Variants in FRRS1 observed in about 807,000 individuals in gnomAD.
FRRS1 encodes the protein ferric reductase 1.
FRRS1 carries 51 observed loss-of-function variants against 70.7 expected under a neutral mutation model. That is an observed-to-expected ratio of 0.72 (90% CI 0.58 to 0.91). The LOEUF is 0.91. Among genes scored for constraint, FRRS1 ranks in the 40% least tolerant of loss-of-function variants. The probability of loss-of-function intolerance (pLI) is 0.00; values close to 1 mark genes in which losing one functional copy is unlikely to be tolerated. For missense variants in FRRS1, 672 were observed against 726.0 expected, an observed-to-expected ratio of 0.93 and a Z score of 0.86; for synonymous variants, 225 against 238.7, an observed-to-expected ratio of 0.94 and a Z score of 0.53.
intron 6 of FRRS1, 43 bp from the exon 7 acceptor site, chr1:99,738,311 A>T: frequency 6.8e-7 from 1 of 1,475,146 alleles, no homozygotes; most frequent in Middle Eastern, 2.0e-4. Context: ...ATTATCAAAC[A>T]AGCAGTTCAT....
Position 99,705,808 on chromosome 1 carries a change from T to C in FRRS1, c.*3220A>G, listed in dbSNP as rs929238200. ...CAACCACAATTTTCTAGAATTTCTT[T>C]CATTTCTTTCTGAAAAGCACACACA... On this transcript the variant is annotated 3_prime_UTR_variant, in exon 17 of 17. Transcript: ENST00000646001. 3.3e-5 allele frequency among the ~76,000 whole-genome samples: 5 copies of C among 152,268 alleles called. No individual in the cohort carries two copies. Among genetic ancestry groups the C allele is most frequent in the Non-Finnish European group, 7.3e-5 (5 of 68,050 alleles).
intron 1 of FRRS1, among the ~76,000 whole-genome samples, chr1:99,761,479 T>C (rs1657110423): frequency 6.6e-6 from 1 of 152,178 alleles, no homozygotes; most frequent in Admixed American, 6.5e-5. Flanking sequence ...GAAACAAATA[T>C]CTTATTACAT....
chr1:99,730,078 T>C (rs1258739609), intron 7 of FRRS1, among the ~76,000 whole-genome samples: 3 of 152,314 alleles, frequency 2.0e-5, no homozygotes, highest in Non-Finnish European at 2.9e-5. Context: ...CTATTTGTAT[T>C]ATACCTATTT....
chr1:99,756,819 C>T (rs367582995), intron 1 of FRRS1, among the ~76,000 whole-genome samples: 38 of 152,094 alleles, frequency 2.5e-4, no homozygotes, highest in African/African-American at 8.0e-4. Context: ...AGTTCTAGCT[C>T]TTGTTAGTCA....
chr1:99,755,897 C>A (rs1336375192), intron 1 of FRRS1, among the ~76,000 whole-genome samples: 1 of 152,216 alleles, frequency 6.6e-6, no homozygotes, highest in Non-Finnish European at 1.5e-5. Context: ...TGTACAATGG[C>A]AACTTCTTTG....
At chr1:99,745,423 C>T (rs999222545) in intron 4 of FRRS1, among the ~76,000 whole-genome samples, 1 of 152,114 alleles carries the variant, frequency 6.6e-6, no homozygotes. Context: ...GTGGGTCATG[C>T]ATGTAATCCC....
intron 15 of FRRS1, among the ~76,000 whole-genome samples, chr1:99,709,525 C>T (rs1376420034): frequency 6.6e-6 from 1 of 152,102 alleles, no homozygotes; most frequent in African/African-American, 2.4e-5. Context: ...GATCTAAGCT[C>T]TTTGGTTTTA....
At chr1:99,710,042 C>T (rs1654200281) in intron 15 of FRRS1, among the ~76,000 whole-genome samples, 1 of 152,202 alleles carries the variant, frequency 6.6e-6, no homozygotes, top group South Asian at 2.1e-4. Flanking sequence ...CATATATAAG[C>T]CTATCAAGGA....
At chr1:99,729,090 G>A (rs76548391) in intron 8 of FRRS1, among the ~76,000 whole-genome samples, 96 of 152,364 alleles carry the variant, frequency 6.3e-4, no homozygotes, top group African/African-American at 2.2e-3. Flanking sequence ...TTAAGTAATA[G>A]CTACTGCTCC....
intron 9 of FRRS1, among the ~76,000 whole-genome samples, chr1:99,724,791 TAA>T (rs903771375): frequency 2.1e-5 from 3 of 143,524 alleles, no homozygotes; most frequent in Non-Finnish European, 3.1e-5. Flanking sequence ...CTGTACCAGT[TAA>T]AAAAAAAAAA....
chr1:99,751,348 A>G (rs1656558405), intron 1 of FRRS1, among the ~76,000 whole-genome samples: 1 of 152,178 alleles, frequency 6.6e-6, no homozygotes, highest in Non-Finnish European at 1.5e-5. Context: ...ACAGATTTTG[A>G]GACTTGTGGG....
At position 99,708,849 on chromosome 1, in the gene FRRS1, T is replaced by G; in HGVS notation, c.*179A>C. The G allele has an allele frequency of 7.7e-7, 1 of 1,296,832 alleles. No homozygotes were observed. The highest frequency in any genetic ancestry group is 1.1e-6 in the Non-Finnish European group (1 of 894,008). The allele number at this position is 1,296,832 out of a possible 1,614,324, so 80.3% of individuals were successfully genotyped here. A position where few individuals can be genotyped will look rare whatever the true frequency, so the allele number is the denominator to read the frequency against. On this transcript the variant is annotated 3_prime_UTR_variant, in exon 17 of 17. Coordinates refer to ENST00000646001, the MANE Select transcript of FRRS1 (RefSeq NM_001361041.2). ...GGGCATGACATTAATTTATAGTCTA[T>G]ATGACCCTCTTGAATGTTGTTCTCT...
At chr1:99,757,527 A>G (rs151220454) in intron 1 of FRRS1, among the ~76,000 whole-genome samples, 54 of 152,340 alleles carry the variant, frequency 3.5e-4, no homozygotes, top group African/African-American at 1.3e-3. Flanking sequence ...AATATGGCAA[A>G]TAAATTAGCA....
chr1:99,745,587 G>A (rs943082393), intron 4 of FRRS1, among the ~76,000 whole-genome samples: 1 of 152,130 alleles, frequency 6.6e-6, no homozygotes, highest in Non-Finnish European at 1.5e-5. Flanking sequence ...AGGAGGCTGA[G>A]GCAGGAGAAT....
chr1:99,761,206 A>C (rs1326784040), intron 1 of FRRS1, among the ~76,000 whole-genome samples: 2 of 151,938 alleles, frequency 1.3e-5, no homozygotes, highest in African/African-American at 2.4e-5. Context: ...GGCTCACTAC[A>C]ACCTCCACGT....
intron 7 of FRRS1, among the ~76,000 whole-genome samples, chr1:99,732,313 C>A (rs115641326): frequency 3.9e-4 from 59 of 152,288 alleles, no homozygotes; most frequent in African/African-American, 1.4e-3. Flanking sequence ...GAAGCTCTCT[C>A]CCCAGTTTGC....
intron 6 of FRRS1, among the ~76,000 whole-genome samples, chr1:99,739,224 C>T (rs1283686227): frequency 1.3e-5 from 2 of 152,298 alleles, no homozygotes; most frequent in South Asian, 2.1e-4. Flanking sequence ...TATCTTCGAG[C>T]TCTAAAAATG....
intron 1 of FRRS1, among the ~76,000 whole-genome samples, chr1:99,756,171 T>G (rs1656825593): frequency 6.6e-6 from 1 of 152,170 alleles, no homozygotes; most frequent in Admixed American, 6.5e-5. Flanking sequence ...TCCTATCAAT[T>G]ATGCATGATT....
Position 99,730,683 on chromosome 1 carries a change from T to A in FRRS1, c.760-935A>T, listed in dbSNP as rs189210853. Among the ~76,000 whole-genome samples the A allele has an allele frequency of 7.4e-3, 1,133 of 152,146 alleles. 23 individuals carry two copies. The highest frequency in any genetic ancestry group is 0.026 in the African/African-American group (1,086 of 41,526). ...GAGATCCAGACCATCCTGGCTAACA[T>A]GGTGAAACCCCGTCTCTACTAAAAA... On this transcript the variant is annotated intron_variant, in intron 7 of 16. Transcript: ENST00000646001.
Sources: gnomAD v4.1 joint callset for allele counts (sites outside exome capture counted in the v4.1 genomes callset) on GRCh38, gnomAD v4.1.1 for gene constraint, MANE v1.5 for transcripts, NCBI Gene and HGNC (gene_info 2026-07-23, HGNC 2026-07-21) for gene names.